AXIN2: variants seen among roughly 807,000 people sequenced by gnomAD.
The protein encoded by AXIN2 is axin-2.
In AXIN2, 21 loss-of-function variants were observed where a neutral mutation model predicts 74.7. The observed-to-expected ratio is 0.28, with a 90% CI of 0.20 to 0.40. The LOEUF (loss-of-function observed/expected upper bound fraction) is 0.40, where lower values mean the gene tolerates loss of function less well. Ranked by LOEUF, AXIN2 falls within the 10% of genes least tolerant of loss-of-function variation. The pLI is 1.00. For synonymous variants in AXIN2, 532 were observed against 454.9 expected, an observed-to-expected ratio of 1.17 and a Z score of -2.16; for missense variants, 1,144 against 1,111.1, an observed-to-expected ratio of 1.03 and a Z score of -0.42.
intron 3 of AXIN2, among the ~76,000 whole-genome samples, chr17:65,546,262 G>C (rs1274284416): frequency 6.6e-6 from 1 of 152,126 alleles, no homozygotes; most frequent in Middle Eastern, 3.2e-3. Flanking sequence ...GATGAACAAT[G>C]GGCTGAAAGC....
At chr17:65,560,431 G>A (rs1366064387) in intron 1 of AXIN2, 1 of 149,406 alleles carries the variant, frequency 6.7e-6, no homozygotes, top group African/African-American at 2.4e-5. Context: ...GCGGGGGGCG[G>A]GGGAGGGCAA....
chr17:65,548,665 C>T (rs1427418392), intron 3 of AXIN2, among the ~76,000 whole-genome samples: 1 of 152,220 alleles, frequency 6.6e-6, no homozygotes, highest in Admixed American at 6.5e-5. Context: ...CCTCAAAGGA[C>T]AGCCGGAGAC....
At chr17:65,539,123 AAC>A (rs1418968140) in intron 4 of AXIN2, among the ~76,000 whole-genome samples, 1 of 152,154 alleles carries the variant, frequency 6.6e-6, no homozygotes, top group African/African-American at 2.4e-5. Context: ...AAAAGCAGCA[AAC>A]AGAGAGAACC....
rs992552132 is a variant in AXIN2, at chr17:65,558,666, A to G, written c.-46T>C. 1.9e-6 allele frequency: 3 copies of G among 1,567,276 alleles called. No individual in the cohort carries two copies. The African/African-American group carries it at 4.0e-5, about 21-fold the overall frequency. ...TGAGTCTGGGAATTTTTCTTCTTCC[A>G]GTTCCTCTCAGCAATCGGCGTGGTC... is the stretch of plus-strand genomic sequence containing the variant. On this transcript the variant is annotated 5_prime_UTR_variant, in exon 2 of 11. Transcript: ENST00000307078.
At position 65,549,522 on chromosome 17, in the gene AXIN2, A is replaced by G. The variant is rs766126703; in HGVS notation, c.954T>C (p.Ser318=). The stretch of plus-strand genomic sequence containing the variant: ...GGAAGGGTGGCCAGGATACTCACAC[A>G]CTGCTGTCCGTCATGGACATGGAAT... ...TDDSMSMTDS[S]VDGIPPYRVG... The change falls in exon 3 of 11, where the codon AGT becomes AGC. Residue 318 remains serine, a splice_region_variant and synonymous_variant. Transcript: ENST00000307078. 2 of 1,612,574 alleles carry G rather than the reference A, an allele frequency of 1.2e-6. No individual in the cohort carries two copies. Among genetic ancestry groups the G allele is most frequent in the Admixed American group, 1.7e-5 (1 of 59,850 alleles).
chr17:65,550,239 C>T (rs916606665), intron 2 of AXIN2, among the ~76,000 whole-genome samples: 1 of 152,186 alleles, frequency 6.6e-6, no homozygotes, highest in Non-Finnish European at 1.5e-5. Context: ...TTCAAGACAA[C>T]GTTCAGGACT....
intron 5 of AXIN2, 39 bp downstream of exon 5, chr17:65,538,164 C>A (rs748426955): frequency 1.9e-6 from 3 of 1,613,586 alleles, no homozygotes; most frequent in South Asian, 1.1e-5. Flanking sequence ...AGCGCTCACG[C>A]CGTGGACGGA....
In AXIN2 at chr17:65,531,485, G is replaced by T. The variant is rs188786291; in HGVS notation, c.2406-1383C>A. 3.6e-4 allele frequency among the ~76,000 whole-genome samples: 54 copies of T among 152,012 alleles called. 1 individual carries two copies. The highest frequency in any genetic ancestry group is 1.3e-3 in the African/African-American group (54 of 41,458). On this transcript the variant is annotated intron_variant, in intron 10 of 10. Coordinates refer to ENST00000307078, the MANE Select transcript of AXIN2 (RefSeq NM_004655.4). Reference sequence around the variant, plus strand: ...AGGGGCTCTGTGCACAGGAGACTCAGGACAGTGGGGGGAAAAGTCACTTCT... The same window carrying T: ...AGGGGCTCTGTGCACAGGAGACTCATGACAGTGGGGGGAAAAGTCACTTCT...
intron 9 of AXIN2, among the ~76,000 whole-genome samples, chr17:65,534,721 G>C (rs935101755): frequency 1.3e-5 from 2 of 152,142 alleles, no homozygotes; most frequent in Non-Finnish European, 2.9e-5. Flanking sequence ...TTGAGGTCAG[G>C]AGTTTGAGAC....
At chr17:65,534,709 A>T (rs1339564447) in intron 9 of AXIN2, among the ~76,000 whole-genome samples, 1 of 152,172 alleles carries the variant, frequency 6.6e-6, no homozygotes, top group Non-Finnish European at 1.5e-5. Context: ...TGGGCGGATC[A>T]CTTGAGGTCA....
At chr17:65,555,674 A>G (rs920316985) in intron 2 of AXIN2, among the ~76,000 whole-genome samples, 2 of 152,174 alleles carry the variant, frequency 1.3e-5, no homozygotes, top group Non-Finnish European at 2.9e-5. Context: ...CCCATTTTAC[A>G]GATGGGCACA....
At chr17:65,552,228 C>T (rs1337546094) in intron 2 of AXIN2, among the ~76,000 whole-genome samples, 2 of 152,134 alleles carry the variant, frequency 1.3e-5, no homozygotes, top group Non-Finnish European at 2.9e-5. Context: ...AGAAGGGGGA[C>T]TCTCTGTTCA....
intron 10 of AXIN2, among the ~76,000 whole-genome samples, chr17:65,530,855 T>C (rs2043804086): frequency 6.6e-6 from 1 of 152,246 alleles, no homozygotes; most frequent in Non-Finnish European, 1.5e-5. Flanking sequence ...TAAAGGCTCC[T>C]TTCATCCCTC....
At chr17:65,547,879 C>A (rs1191063724) in intron 3 of AXIN2, among the ~76,000 whole-genome samples, 2 of 152,106 alleles carry the variant, frequency 1.3e-5, no homozygotes, top group Non-Finnish European at 2.9e-5. Flanking sequence ...GTCAGATAAC[C>A]CTATGCACCC....
chr17:65,543,475 T>C (rs4791172), intron 3 of AXIN2, among the ~76,000 whole-genome samples: 5,993 of 152,298 alleles, frequency 0.039, 150 homozygotes, highest in South Asian at 0.1. Context: ...TGCCAGCTCA[T>C]AGATACCGAG....
chr17:65,558,808 C>G (rs1447107921), intron 1 of AXIN2, 72 bp from the exon 2 acceptor site: 2 of 635,258 alleles, frequency 3.1e-6, no homozygotes, highest in African/African-American at 1.8e-5. Flanking sequence ...CAGATCTACC[C>G]AACATCAAAG....
At position 65,540,913 on chromosome 17, in the gene AXIN2, G is replaced by C. The variant is rs193293474; in HGVS notation, c.1059+542C>G. Among the ~76,000 whole-genome samples, 32 of 152,200 alleles carry C rather than the reference G, an allele frequency of 2.1e-4. No homozygotes were observed. In the East Asian group the frequency reaches 5.2e-3, roughly 25 times the overall value. ...GTTTTTTCTTTTGAGAAGGAGTCTC[G>C]CTCTGTCGCCCAGGCTGGAGTGCAC... On this transcript the variant is annotated intron_variant, in intron 4 of 10. Coordinates refer to ENST00000307078, the MANE Select transcript of AXIN2 (RefSeq NM_004655.4).
rs774539942 is a variant in AXIN2, at chr17:65,536,967, A to G, written c.1809T>C (p.Ala603=). ...PAREGGAPGG[A]GALQLPREEG... is the part of the protein sequence containing the mutation. The stretch of plus-strand genomic sequence containing the variant: ...CCTCCCGGGGAAGCTGCAGGGCCCC[A>G]GCTCCGCCGGGGGCCCCTCCTTCCC... Residue 603 remains alanine (A), a synonymous_variant, in exon 7 of 11, where the codon GCT becomes GCC. Transcript: ENST00000307078. 27 of 1,613,180 alleles carry G rather than the reference A, an allele frequency of 1.7e-5. No homozygotes were observed. The highest frequency in any genetic ancestry group is 1.2e-4 in the Admixed American group (7 of 60,022).
rs1417465644 is a variant in AXIN2 at position 65,558,456 on chromosome 17, G to C, written c.165C>G (p.Thr55=). 4 of 1,601,166 alleles carry C rather than the reference G, an allele frequency of 2.5e-6. No individual in the cohort carries two copies. Among genetic ancestry groups the C allele is most frequent in the East Asian group, 2.2e-5 (1 of 44,636 alleles). ...CCCCCAACCCATCTTCGTTCCGCCT[G>C]GTGTTGGAAGAGACAGGCATGGGTT... is the stretch of plus-strand genomic sequence containing the variant. ...VTKPMPVSSN[T]RRNEDGLGEP... is the part of the protein sequence containing the mutation. The change falls in exon 2 of 11, where the codon ACC becomes ACG. Residue 55 remains threonine (T), a synonymous_variant. Coordinates refer to ENST00000307078, the MANE Select transcript of AXIN2 (RefSeq NM_004655.4).
Sources: gnomAD v4.1 joint callset for allele counts (sites outside exome capture counted in the v4.1 genomes callset) on GRCh38, gnomAD v4.1.1 for gene constraint, MANE v1.5 for transcripts, NCBI Gene and HGNC (gene_info 2026-07-23, HGNC 2026-07-21) for gene names.